MACROD2: variants seen among roughly 807,000 people sequenced by gnomAD.
MACROD2 encodes mono-ADP ribosylhydrolase 2.
In MACROD2, 36 loss-of-function variants were observed where a neutral mutation model predicts 70.4. The ratio of observed to expected loss-of-function variants is 0.51; its 90% CI spans 0.39 to 0.68. The LOEUF is 0.68. Among genes scored for constraint, MACROD2 ranks in the 30% least tolerant of loss-of-function variants. The pLI, the probability that MACROD2 is intolerant of heterozygous loss-of-function variation, is 0.00. For synonymous variants in MACROD2, 172 were observed against 178.8 expected, an observed-to-expected ratio of 0.96 and a Z score of 0.30; for missense variants, 496 against 538.4, an observed-to-expected ratio of 0.92 and a Z score of 0.78.
At chr20:15,944,349 A>C (rs768229106) in intron 12 of MACROD2, among the ~76,000 whole-genome samples, 1 of 152,188 alleles carries the variant, frequency 6.6e-6, no homozygotes, top group Non-Finnish European at 1.5e-5. Context: ...AGAAATAAGC[A>C]TATGTAATAT....
chr20:15,457,953 A>G (rs1249539810), intron 7 of MACROD2, among the ~76,000 whole-genome samples: 1 of 150,982 alleles, frequency 6.6e-6, no homozygotes, highest in Non-Finnish European at 1.5e-5. Flanking sequence ...TTAAATGAAA[A>G]AAAAAAAAAG....
At chr20:14,117,753 C>G (rs527635485) in intron 3 of MACROD2, among the ~76,000 whole-genome samples, 3 of 152,142 alleles carry the variant, frequency 2.0e-5, no homozygotes, top group Non-Finnish European at 4.4e-5. Flanking sequence ...GCCCATGTCA[C>G]TTGCTCTTTT....
chr20:15,797,573 G>C (rs1411295964), intron 8 of MACROD2, among the ~76,000 whole-genome samples: 1 of 152,198 alleles, frequency 6.6e-6, no homozygotes, highest in Non-Finnish European at 1.5e-5. Flanking sequence ...ATCCCCAGCA[G>C]AGTCTTCCTT....
intron 6 of MACROD2, among the ~76,000 whole-genome samples, chr20:15,234,974 C>T (rs543961222): frequency 6.6e-5 from 10 of 152,234 alleles, no homozygotes; most frequent in African/African-American, 1.9e-4. Flanking sequence ...CTTCTTTTAA[C>T]ATCATGTTCA....
At chr20:14,099,635 T>C (rs2054272428) in intron 3 of MACROD2, among the ~76,000 whole-genome samples, 1 of 152,150 alleles carries the variant, frequency 6.6e-6, no homozygotes, top group Admixed American at 6.6e-5. Flanking sequence ...GCAATGAACA[T>C]GGTAACACAT....
At chr20:15,100,232 C>T (rs1440072116) in intron 5 of MACROD2, among the ~76,000 whole-genome samples, 1 of 151,928 alleles carries the variant, frequency 6.6e-6, no homozygotes, top group African/African-American at 2.4e-5. Context: ...ATAGATAGTT[C>T]CCAACTGATG....
chr20:15,136,963 C>T (rs1357139390), intron 5 of MACROD2, among the ~76,000 whole-genome samples: 3 of 147,250 alleles, frequency 2.0e-5, no homozygotes, highest in African/African-American at 7.6e-5. Flanking sequence ...AAAAAATGCT[C>T]ATCATCACTG....
chr20:15,132,731 G>T (rs2076115714), intron 5 of MACROD2, among the ~76,000 whole-genome samples: 1 of 151,980 alleles, frequency 6.6e-6, no homozygotes, highest in South Asian at 2.1e-4. Context: ...AGACCATTTT[G>T]CTATTACAAT....
At chr20:14,763,287 T>C (rs1332470269) in intron 5 of MACROD2, among the ~76,000 whole-genome samples, 1 of 152,016 alleles carries the variant, frequency 6.6e-6, no homozygotes, top group Admixed American at 6.6e-5. Flanking sequence ...AACTTGTCGC[T>C]CATTTGGTGT....
intron 5 of MACROD2, among the ~76,000 whole-genome samples, chr20:15,188,158 T>A (rs2076545980): frequency 6.6e-6 from 1 of 152,182 alleles, no homozygotes; most frequent in South Asian, 2.1e-4. Flanking sequence ...ATTATTCCAG[T>A]CTTATTTGAC....
chr20:15,199,165 C>T (rs149506542), intron 5 of MACROD2, among the ~76,000 whole-genome samples: 1,585 of 151,756 alleles, frequency 0.01, 11 homozygotes, highest in South Asian at 0.018. Flanking sequence ...GAGTCCAACC[C>T]GGCCAATATA....
chr20:14,261,759 A>T (rs1288121079), intron 3 of MACROD2, among the ~76,000 whole-genome samples: 1 of 152,206 alleles, frequency 6.6e-6, no homozygotes, highest in Non-Finnish European at 1.5e-5. Context: ...TGAGTAACTC[A>T]TAGACTCTGT....
chr20:15,470,318 G>A (rs6074901), intron 7 of MACROD2, among the ~76,000 whole-genome samples: 78,403 of 151,984 alleles, frequency 0.52, 22,358 homozygotes, highest in East Asian at 0.84. Flanking sequence ...TAAAGTGCTG[G>A]GATTATAGGC....
intron 5 of MACROD2, among the ~76,000 whole-genome samples, chr20:14,989,086 A>G (rs1043410215): frequency 6.6e-6 from 1 of 152,178 alleles, no homozygotes; most frequent in Non-Finnish European, 1.5e-5. Context: ...TGTTTGAATT[A>G]TATGGTTTTT....
chr20:14,296,309 A>G lies in MACROD2; in HGVS notation c.272-197170A>G, dbSNP rs111401508. Among the ~76,000 whole-genome samples the G allele has an allele frequency of 2.2e-4, 33 of 152,094 alleles. 1 individual carries two copies. Among genetic ancestry groups the G allele is most frequent in the Middle Eastern group, 3.4e-3 (1 of 294 alleles). Reference sequence around the variant, plus strand: ...TTCTATCCCTAGATGTGTACCCAACATATTTATATGTGTGCATGTGCATTT... The same window carrying G: ...TTCTATCCCTAGATGTGTACCCAACGTATTTATATGTGTGCATGTGCATTT... On this transcript the variant is annotated intron_variant, in intron 3 of 17. Coordinates refer to ENST00000684519, the MANE Select transcript of MACROD2 (RefSeq NM_001351661.2).
At chr20:14,656,209 C>T (rs1568723062) in intron 4 of MACROD2, among the ~76,000 whole-genome samples, 1 of 152,202 alleles carries the variant, frequency 6.6e-6, no homozygotes, top group African/African-American at 2.4e-5. Flanking sequence ...TCATGAAGGT[C>T]ATGAAATACT....
At chr20:15,637,366 A>G (rs901098381) in intron 8 of MACROD2, among the ~76,000 whole-genome samples, 4 of 152,226 alleles carry the variant, frequency 2.6e-5, no homozygotes, top group Non-Finnish European at 5.9e-5. Context: ...GGTGATTGAC[A>G]TCGGAGCTCC....
At chr20:15,991,041 G>T (rs1267600985) in intron 15 of MACROD2, among the ~76,000 whole-genome samples, 1 of 115,860 alleles carries the variant, frequency 8.6e-6, no homozygotes, top group Admixed American at 9.7e-5. Context: ...AAATATAGAG[G>T]TGCCCTAGGC....
intron 15 of MACROD2, among the ~76,000 whole-genome samples, chr20:16,014,179 A>G (rs1427668559): frequency 6.6e-6 from 1 of 152,240 alleles, no homozygotes. Flanking sequence ...TCTGCCTGTT[A>G]TGCAAGTGAG....
Sources: allele counts gnomAD v4.1 joint callset (sites outside exome capture counted in the v4.1 genomes callset), GRCh38; gene constraint gnomAD v4.1.1; transcripts MANE v1.5; gene names NCBI Gene and HGNC (gene_info 2026-07-23, HGNC 2026-07-21).